DGLUCY: variants seen among roughly 807,000 people sequenced by gnomAD.
DGLUCY encodes D-glutamate cyclase, mitochondrial.
A neutral mutation model predicts 58.5 loss-of-function variants in DGLUCY; 58 were observed. The observed-to-expected ratio is 0.99, with a 90% CI of 0.80 to 1.23. The LOEUF (loss-of-function observed/expected upper bound fraction) is 1.23. Ranked by LOEUF, DGLUCY falls within the 50% of genes most tolerant of loss-of-function variation. DGLUCY has a pLI of 0.00. For synonymous variants in DGLUCY, 325 were observed against 314.1 expected (o/e 1.03, Z -0.37); for missense variants, 779 against 784.7 (o/e 0.99, Z 0.09).
intron 13 of DGLUCY, among the ~76,000 whole-genome samples, chr14:91,216,866 A>G (rs1390417654): frequency 6.6e-6 from 1 of 152,212 alleles, no homozygotes; most frequent in African/African-American, 2.4e-5. Context: ...TGCCCGTCTA[A>G]CTTATGTGAA....
intron 3 of DGLUCY, among the ~76,000 whole-genome samples, chr14:91,164,148 C>A (rs1213619659): frequency 6.6e-6 from 1 of 152,098 alleles, no homozygotes; most frequent in African/African-American, 2.4e-5. Context: ...TGGGGTTTCA[C>A]CATGTTGGCC....
At chr14:91,187,206 A>C (rs1470905406) in intron 8 of DGLUCY, among the ~76,000 whole-genome samples, 1 of 151,930 alleles carries the variant, frequency 6.6e-6, no homozygotes, top group Non-Finnish European at 1.5e-5. Flanking sequence ...CACTTTGTTG[A>C]CCAGGCTGGT....
chr14:91,090,780 C>A (rs1339422746), intron 1 of DGLUCY, among the ~76,000 whole-genome samples: 1 of 152,190 alleles, frequency 6.6e-6, no homozygotes, highest in Non-Finnish European at 1.5e-5. Flanking sequence ...TGTTCCATCT[C>A]CACTGTCCCT....
At chr14:91,162,728 C>G (rs1286800593) in intron 3 of DGLUCY, among the ~76,000 whole-genome samples, 1 of 152,070 alleles carries the variant, frequency 6.6e-6, no homozygotes, top group Non-Finnish European at 1.5e-5. Context: ...GAAATCCCAT[C>G]TATACTAAAA....
chr14:91,075,157 T>C (rs1254095798), intron 1 of DGLUCY, among the ~76,000 whole-genome samples: 1 of 152,188 alleles, frequency 6.6e-6, no homozygotes, highest in East Asian at 1.9e-4. Flanking sequence ...CTTTCTTGCA[T>C]TTTTTCTTTA....
chr14:91,117,932 T>C (rs1327450299), intron 1 of DGLUCY, among the ~76,000 whole-genome samples: 1 of 152,140 alleles, frequency 6.6e-6, no homozygotes, highest in Non-Finnish European at 1.5e-5. Context: ...TGAGTTAAGC[T>C]TTGCCTAAAG....
intron 2 of DGLUCY, among the ~76,000 whole-genome samples, chr14:91,158,181 C>G (rs1566972535): frequency 6.6e-6 from 1 of 152,214 alleles, no homozygotes; most frequent in African/African-American, 2.4e-5. Context: ...GCTGGTAGCT[C>G]AGTTGCTTGG....
intron 1 of DGLUCY, among the ~76,000 whole-genome samples, chr14:91,139,200 C>T (rs941794767): frequency 6.6e-6 from 1 of 152,170 alleles, no homozygotes; most frequent in Admixed American, 6.6e-5. Flanking sequence ...AATCCCAGTA[C>T]AGGGACAGGA....
chr14:91,169,502 C>G (rs868863054), intron 4 of DGLUCY, among the ~76,000 whole-genome samples: 11 of 152,042 alleles, frequency 7.2e-5, no homozygotes, highest in Admixed American at 2.0e-4. Context: ...CTCCACCTCC[C>G]AGGTTCAAGC....
intron 1 of DGLUCY, among the ~76,000 whole-genome samples, chr14:91,068,069 A>ACACGTG (rs1555387685): frequency 2.9e-5 from 3 of 102,256 alleles, no homozygotes; most frequent in East Asian, 6.8e-4. Flanking sequence ...GCACACACAC[A>ACACGTG]CACGCGCACG....
intron 13 of DGLUCY, among the ~76,000 whole-genome samples, chr14:91,222,378 G>A (rs1021477016): frequency 6.6e-6 from 1 of 152,190 alleles, no homozygotes; most frequent in Non-Finnish European, 1.5e-5. Flanking sequence ...TGTGCTGTGA[G>A]GAAATGGCCC....
chr14:91,131,917 C>A (rs536209982), intron 1 of DGLUCY, among the ~76,000 whole-genome samples: 1 of 152,284 alleles, frequency 6.6e-6, no homozygotes, highest in East Asian at 1.9e-4. Flanking sequence ...CATCAGCCTC[C>A]CAAGTAGCTG....
chr14:91,181,072 G>A lies in DGLUCY; in HGVS notation c.731-114G>A, dbSNP rs2049140929. 10 of 921,466 alleles carry A rather than the reference G, an allele frequency of 1.1e-5. No homozygotes were observed. In the East Asian group the frequency reaches 2.5e-4, roughly 23 times the overall value. 57.1% of individuals were successfully genotyped at this position (921,466 alleles called of 1,614,324 possible). On this transcript the variant is annotated intron_variant, in intron 7 of 13. Coordinates refer to ENST00000256324, the MANE Select transcript of DGLUCY (RefSeq NM_001102368.3). Reference sequence around the variant, plus strand: ...GGTGCCAGCAGGTGGTATAGGGAGTGCTTAGGCTGAGTTGATGGCCAGGTG... The same window carrying A: ...GGTGCCAGCAGGTGGTATAGGGAGTACTTAGGCTGAGTTGATGGCCAGGTG...
Position 91,175,982 on chromosome 14 carries a change from T to C in DGLUCY, c.656T>C (p.Met219Thr), listed in dbSNP as rs776890953. Residue 219 changes from methionine (M) to threonine (T), a missense_variant, in exon 7 of 14, where the codon ATG (methionine) becomes ACG (threonine). Coordinates refer to ENST00000256324, the MANE Select transcript of DGLUCY (RefSeq NM_001102368.3). ...TCCAAACCTGCCTACGGGGATGCCA[T>C]GGTGTGTCCCCCAGGGGAGGTTCCA... Reference protein sequence around the residue: ...ELSKPAYGDAMVCPPGEVPVF... With the variant: ...ELSKPAYGDATVCPPGEVPVF... 1.4e-5 allele frequency: 23 copies of C among 1,613,778 alleles called. No homozygotes were observed. Among genetic ancestry groups the C allele is most frequent in the Non-Finnish European group, 1.8e-5 (21 of 1,179,868 alleles).
intron 12 of DGLUCY, among the ~76,000 whole-genome samples, chr14:91,209,364 C>T (rs189194725): frequency 2.0e-5 from 3 of 152,008 alleles, no homozygotes; most frequent in Non-Finnish European, 4.4e-5. Context: ...AGCTATTAAT[C>T]CAACTATATC....
At position 91,089,257 on chromosome 14, in the gene DGLUCY, C is replaced by T. The variant is rs2044270710; in HGVS notation, c.-82+28553C>T. On this transcript the variant is annotated intron_variant, in intron 1 of 4. Coordinates refer to the DGLUCY transcript ENST00000521334. ...TTTGATGATGGAAACTGCCAAATGT[C>T]CAACTCAGGAGCCGGTGGCAGCTCT... 2.0e-5 allele frequency among the ~76,000 whole-genome samples: 3 copies of T among 152,228 alleles called. No homozygotes were observed. The South Asian group carries it at 6.2e-4, about 32-fold the overall frequency.
chr14:91,113,059 T>C (rs1595660397), upstream of DGLUCY, among the ~76,000 whole-genome samples: 1 of 149,080 alleles, frequency 6.7e-6, no homozygotes, highest in African/African-American at 2.5e-5. Flanking sequence ...CCCAGCACTT[T>C]GGGAGGCTGA....
Position 91,224,821 on chromosome 14 carries a change from G to C in DGLUCY, c.1854G>C (p.Thr618=), listed in dbSNP as rs200556528. The change falls in exon 14 of 14, where the codon ACG becomes ACC. Residue 618 remains threonine, a synonymous_variant. Transcript: ENST00000256324. The stretch of plus-strand genomic sequence containing the variant: ...TCCAGAAGCTGGTGGACGTCACCAC[G>C]GCACAGGTGTAACCGTCCATGTTCC... ...EMIQKLVDVT[T]AQV is the part of the protein sequence containing the mutation. 7 of 1,612,024 alleles carry C rather than the reference G, an allele frequency of 4.3e-6. No individual in the cohort carries two copies. The South Asian group carries it at 7.7e-5, about 18-fold the overall frequency.
intron 7 of DGLUCY, among the ~76,000 whole-genome samples, chr14:91,177,820 G>C (rs2048946305): frequency 6.6e-6 from 1 of 152,260 alleles, no homozygotes; most frequent in Non-Finnish European, 1.5e-5. Context: ...ATTTATTTAA[G>C]TGCATGTGTT....
Sources: gnomAD v4.1 joint callset for allele counts (sites outside exome capture counted in the v4.1 genomes callset) on GRCh38, gnomAD v4.1.1 for gene constraint, MANE v1.5 for transcripts, NCBI Gene and HGNC (gene_info 2026-07-23, HGNC 2026-07-21) for gene names.